The following PSD2 variants were observed in gnomAD, a reference collection of about 807,000 sequenced individuals.
PSD2 encodes the protein pleckstrin and Sec7 domain containing 2.
In PSD2, 38 loss-of-function variants were observed where a neutral mutation model predicts 69.8. The ratio of observed to expected loss-of-function variants is 0.54; its 90% CI spans 0.42 to 0.71. The LOEUF (loss-of-function observed/expected upper bound fraction) is 0.71, where lower values mean the gene tolerates loss of function less well. PSD2 is among the 30% of genes least tolerant of loss of function. The pLI is 0.00. For missense variants in PSD2, 943 were observed against 1,014.5 expected, an observed-to-expected ratio of 0.93 and a Z score of 0.96; for synonymous variants, 412 against 423.0, an observed-to-expected ratio of 0.97 and a Z score of 0.32.
chr5:139,824,662 G>C (rs1046207340), intron 7 of PSD2, among the ~76,000 whole-genome samples: 1 of 152,156 alleles, frequency 6.6e-6, no homozygotes, highest in Admixed American at 6.5e-5. Flanking sequence ...TGCTCCACAC[G>C]AAGGCTGTGT....
At chr5:139,831,062 CT>C (rs2126960996) in intron 7 of PSD2, among the ~76,000 whole-genome samples, 1 of 152,080 alleles carries the variant, frequency 6.6e-6, no homozygotes, top group South Asian at 2.1e-4. Flanking sequence ...AATATGTCTT[CT>C]TTTGGTTTTG....
At chr5:139,792,107 G>A (rs1345742402), upstream of PSD2, among the ~76,000 whole-genome samples, 1 of 150,964 alleles carries the variant, frequency 6.6e-6, no homozygotes, top group African/African-American at 2.4e-5. Context: ...TTTGAGGTGG[G>A]AAGTGTCAGG....
At chr5:139,838,599 C>A in intron 12 of PSD2, 29 bp from the exon 13 acceptor site, 2 of 1,602,730 alleles carry the variant, frequency 1.2e-6, no homozygotes, top group Non-Finnish European at 1.7e-6. Context: ...GTGTGAGAGG[C>A]CGGCACCCTC....
At chr5:139,794,432 T>A (rs1487302740), upstream of PSD2, among the ~76,000 whole-genome samples, 1 of 152,190 alleles carries the variant, frequency 6.6e-6, no homozygotes, top group East Asian at 1.9e-4. Flanking sequence ...ACAGCTCAGA[T>A]TCCACACCTC....
the PSD2 span, among the ~76,000 whole-genome samples, chr5:139,771,880 C>A: frequency 3.8e-3 from 586 of 152,292 alleles, 7 homozygotes; most frequent in African/African-American, 0.014. Flanking sequence ...GGCTGCCATC[C>A]AAGGACCACG....
Position 139,811,941 on chromosome 5 carries a change from C to A in PSD2, c.372-1368C>A, listed in dbSNP as rs541564014. Among the ~76,000 whole-genome samples, 9 of 152,254 alleles carry A rather than the reference C, an allele frequency of 5.9e-5. No individual in the cohort carries two copies. The South Asian group carries it at 1.2e-3, about 21-fold the overall frequency. On this transcript the variant is annotated intron_variant, in intron 2 of 14. Coordinates refer to ENST00000274710, the MANE Select transcript of PSD2 (RefSeq NM_032289.4). ...TCACTTTCTGTCTCTGTTGTCCTCT[C>A]GTATCCCTTTCCTCTGTCTCTTTCT... is the stretch of plus-strand genomic sequence containing the variant.
At chr5:139,776,508 A>C in the PSD2 span, among the ~76,000 whole-genome samples, 2 of 152,170 alleles carry the variant, frequency 1.3e-5, no homozygotes, top group Admixed American at 6.5e-5. Flanking sequence ...CCCCAGAAAA[A>C]GAGGTCAATA....
At chr5:139,763,368 C>A in the PSD2 span, among the ~76,000 whole-genome samples, 1 of 152,204 alleles carries the variant, frequency 6.6e-6, no homozygotes, top group Non-Finnish European at 1.5e-5. Context: ...AGCCCTGGCT[C>A]CCCCTGGGGT....
chr5:139,824,288 G>A (rs1176872564), intron 7 of PSD2, among the ~76,000 whole-genome samples: 1 of 152,138 alleles, frequency 6.6e-6, no homozygotes, highest in African/African-American at 2.4e-5. Flanking sequence ...GTCTCACATT[G>A]ATGCCACAGC....
chr5:139,816,681 C>T (rs574160164), intron 4 of PSD2, among the ~76,000 whole-genome samples: 4 of 152,358 alleles, frequency 2.6e-5, no homozygotes, highest in African/African-American at 9.6e-5. Flanking sequence ...CTTCGTTGGC[C>T]TGCAGGACAA....
chr5:139,791,884 A>G (rs1759421385), upstream of PSD2, among the ~76,000 whole-genome samples: 2 of 152,228 alleles, frequency 1.3e-5, no homozygotes, highest in Admixed American at 6.5e-5. Context: ...GAGAGACAGG[A>G]ATTAGAGACA....
chr5:139,827,026 G>T (rs1419452594), intron 7 of PSD2, among the ~76,000 whole-genome samples: 1 of 152,166 alleles, frequency 6.6e-6, no homozygotes, highest in Non-Finnish European at 1.5e-5. Context: ...TTCTGAACTG[G>T]TCTCTTTGGC....
intron 7 of PSD2, among the ~76,000 whole-genome samples, chr5:139,830,618 C>CTTTG (rs1420805489): frequency 1.3e-5 from 1 of 76,538 alleles, no homozygotes; most frequent in Non-Finnish European, 2.4e-5. Context: ...CTCTTTCTTT[C>CTTTG]TTTCTTTCTC....
chr5:139,799,601 T>C (rs1349463427), intron 1 of PSD2, among the ~76,000 whole-genome samples: 1 of 151,992 alleles, frequency 6.6e-6, no homozygotes, highest in Non-Finnish European at 1.5e-5. Context: ...GGAAAGGCAC[T>C]CTGAGGAGGA....
chr5:139,795,483 C>G (rs1759495094), upstream of PSD2, among the ~76,000 whole-genome samples: 1 of 152,078 alleles, frequency 6.6e-6, no homozygotes, highest in African/African-American at 2.4e-5. The surrounding 1 kb of genome is among the most constrained non-coding windows in gnomAD (Gnocchi z 4.5). Context: ...GCCTGGAGGG[C>G]GGAGGTGGTT....
At chr5:139,764,632 G>A in the PSD2 span, among the ~76,000 whole-genome samples, 2 of 152,200 alleles carry the variant, frequency 1.3e-5, no homozygotes, top group African/African-American at 4.8e-5. Context: ...GCAGTGGGCA[G>A]GAGGCCGAGC....
Position 139,822,794 on chromosome 5 carries a change from G to T in PSD2, c.1269+10G>T. 1 of 1,603,164 alleles carries T rather than the reference G, an allele frequency of 6.2e-7. No homozygotes were observed. On this transcript the variant is annotated intron_variant, in intron 7 of 14. Transcript: ENST00000274710. ...GGACCTGCACGGCCACGTGAGTTGG[G>T]GAGGTGACGGGGGGTGTCGCATGTC...
At chr5:139,804,525 G>A (rs1444926125) in intron 1 of PSD2, among the ~76,000 whole-genome samples, 1 of 152,150 alleles carries the variant, frequency 6.6e-6, no homozygotes, top group South Asian at 2.1e-4. Flanking sequence ...AACTGGTTAG[G>A]TATCAATGGT....
intron 1 of PSD2, among the ~76,000 whole-genome samples, chr5:139,808,917 A>G (rs752293948): frequency 6.6e-6 from 1 of 152,172 alleles, no homozygotes; most frequent in Non-Finnish European, 1.5e-5. Flanking sequence ...AGTTATCTCC[A>G]TTAATCACAA....
Sources: gnomAD v4.1 joint callset for allele counts (sites outside exome capture counted in the v4.1 genomes callset) on GRCh38, gnomAD v4.1.1 for gene constraint, Gnocchi (gnomAD v3.1) non-coding constraint, MANE v1.5 for transcripts, NCBI Gene and HGNC (gene_info 2026-07-23, HGNC 2026-07-21) for gene names.